The following RSRC1 variants were observed in gnomAD, a reference collection of about 807,000 sequenced individuals.
RSRC1 encodes arginine and serine rich coiled-coil 1.
Under a neutral mutation model 49.1 loss-of-function variants are expected in RSRC1, and 39 were observed. The observed-to-expected ratio is 0.79, with a 90% confidence interval of 0.61 to 1.04. The LOEUF (loss-of-function observed/expected upper bound fraction) is 1.04, where lower values mean the gene tolerates loss of function less well. RSRC1 is among the 50% of genes least tolerant of loss of function. The pLI is 0.00. For missense variants in RSRC1, 388 were observed against 402.4 expected (o/e 0.96, Z 0.31); for synonymous variants, 143 against 130.8 (o/e 1.09, Z -0.63).
intron 6 of RSRC1, among the ~76,000 whole-genome samples, chr3:158,428,662 C>T (rs1402338606): frequency 1.3e-5 from 2 of 151,832 alleles, no homozygotes; most frequent in African/African-American, 4.8e-5. Flanking sequence ...TGGCACATAA[C>T]GTGTATTATA....
chr3:158,147,210 G>C (rs1717194297), intron 3 of RSRC1, among the ~76,000 whole-genome samples: 1 of 133,128 alleles, frequency 7.5e-6, no homozygotes, highest in South Asian at 2.5e-4. Context: ...CCCGCTAAAA[G>C]GAAATTTTCT....
intron 7 of RSRC1, among the ~76,000 whole-genome samples, chr3:158,473,633 G>T (rs548180841): frequency 6.6e-6 from 1 of 151,994 alleles, no homozygotes; most frequent in East Asian, 1.9e-4. Flanking sequence ...TGTACGTTGT[G>T]CACATGTACC....
At chr3:158,178,303 A>G (rs1245735618) in intron 3 of RSRC1, among the ~76,000 whole-genome samples, 1 of 151,780 alleles carries the variant, frequency 6.6e-6, no homozygotes, top group African/African-American at 2.4e-5. Flanking sequence ...CACGCCCAGC[A>G]AATTTTTGTA....
chr3:158,153,471 C>CA (rs1318870402), intron 3 of RSRC1, among the ~76,000 whole-genome samples: 3 of 152,142 alleles, frequency 2.0e-5, no homozygotes, highest in Non-Finnish European at 4.4e-5. Flanking sequence ...TAAAGAATGA[C>CA]AATGTGGCAT....
At chr3:158,333,315 T>A (rs1304990692) in intron 5 of RSRC1, among the ~76,000 whole-genome samples, 2 of 152,318 alleles carry the variant, frequency 1.3e-5, no homozygotes, top group East Asian at 3.9e-4. Flanking sequence ...TAGAATGCAG[T>A]TCTTCTGACA....
chr3:158,314,593 G>A (rs1728316512), intron 5 of RSRC1, among the ~76,000 whole-genome samples: 2 of 152,104 alleles, frequency 1.3e-5, no homozygotes, highest in African/African-American at 2.4e-5. Context: ...TAGTGCTACA[G>A]TGCTTTCTAG....
chr3:158,145,780 C>G (rs1416490188), intron 3 of RSRC1, among the ~76,000 whole-genome samples: 1 of 152,164 alleles, frequency 6.6e-6, no homozygotes, highest in Non-Finnish European at 1.5e-5. Context: ...AATGTTCTTC[C>G]ATTTGTTTGT....
intron 7 of RSRC1, among the ~76,000 whole-genome samples, chr3:158,503,263 A>G (rs1012207187): frequency 2.6e-5 from 4 of 152,028 alleles, no homozygotes; most frequent in African/African-American, 4.8e-5. Context: ...TCAGCTGTGG[A>G]TACCAGCATC....
chr3:158,541,194 A>G (rs1245707383), intron 8 of RSRC1, among the ~76,000 whole-genome samples: 2 of 152,070 alleles, frequency 1.3e-5, no homozygotes, highest in Non-Finnish European at 2.9e-5. Context: ...TGGCCAGAGA[A>G]CCATTCTTCC....
intron 7 of RSRC1, among the ~76,000 whole-genome samples, chr3:158,515,100 G>A (rs1304156019): frequency 1.4e-5 from 2 of 146,836 alleles, no homozygotes; most frequent in Non-Finnish European, 3.0e-5. Context: ...TTTAATTGGA[G>A]CATTTAGTCC....
Position 158,354,916 on chromosome 3 carries a change from T to C in RSRC1, c.583+8T>C. The C allele has an allele frequency of 6.5e-7, 1 of 1,542,600 alleles. No individual in the cohort carries two copies. The highest frequency in any genetic ancestry group is 8.7e-7 in the Non-Finnish European group (1 of 1,148,674). ...TGGTTCTTGAAGCTGCTGGTAAGTGTTGATAATTAACTTTTATTAAATGAA... is the reference window on the plus strand; with the variant it reads ...TGGTTCTTGAAGCTGCTGGTAAGTGCTGATAATTAACTTTTATTAAATGAA... On this transcript the variant is annotated splice_region_variant and intron_variant, in intron 6 of 9. Transcript: ENST00000611884.
intron 6 of RSRC1, among the ~76,000 whole-genome samples, chr3:158,415,980 G>A (rs912379218): frequency 6.6e-6 from 1 of 151,698 alleles, no homozygotes; most frequent in Non-Finnish European, 1.5e-5. Flanking sequence ...CTTTTTGTGT[G>A]TCATATTCTA....
At position 158,493,346 on chromosome 3, in the gene RSRC1, T is replaced by C. The variant is rs543965444; in HGVS notation, c.652+32343T>C. Among the ~76,000 whole-genome samples the C allele has an allele frequency of 2.0e-5, 3 of 152,242 alleles. No individual in the cohort carries two copies. In the South Asian group the frequency reaches 6.2e-4, roughly 32 times the overall value. ...TACTCATGTTTTAAAATTTAGACTT[T>C]TAGTTTGTTTTCTGTTATGGGGTGA... On this transcript the variant is annotated intron_variant, in intron 7 of 9. Coordinates refer to ENST00000611884, the MANE Select transcript of RSRC1 (RefSeq NM_001271838.2).
intron 4 of RSRC1, among the ~76,000 whole-genome samples, chr3:158,294,127 C>T (rs74981008): frequency 0.02 from 3,096 of 151,946 alleles, 51 homozygotes; most frequent in Non-Finnish European, 0.032. Flanking sequence ...TTTTTTTTAA[C>T]CCTCCTTCTA....
chr3:158,420,188 C>G (rs915400364), intron 6 of RSRC1, among the ~76,000 whole-genome samples: 3 of 151,960 alleles, frequency 2.0e-5, no homozygotes, highest in African/African-American at 4.8e-5. Flanking sequence ...ATGTTATCTC[C>G]CATTTACCAA....
At chr3:158,330,464 A>G (rs1190323034) in intron 5 of RSRC1, among the ~76,000 whole-genome samples, 2 of 152,190 alleles carry the variant, frequency 1.3e-5, no homozygotes. Flanking sequence ...AGTATTTTAA[A>G]TGTTCTTAAT....
intron 3 of RSRC1, among the ~76,000 whole-genome samples, chr3:158,161,116 C>G (rs1250810524): frequency 6.6e-6 from 1 of 152,136 alleles, no homozygotes; most frequent in African/African-American, 2.4e-5. Context: ...TATTAGTCAG[C>G]TATTGACACA....
chr3:158,447,838 TC>T (rs1736804414), intron 6 of RSRC1, among the ~76,000 whole-genome samples: 1 of 151,940 alleles, frequency 6.6e-6, no homozygotes, highest in Admixed American at 6.6e-5. Context: ...TTTTTCGATA[TC>T]AGAAACTATC....
At position 158,459,939 on chromosome 3, in the gene RSRC1, T is replaced by G. The variant is rs558881957; in HGVS notation, c.584-996T>G. Among the ~76,000 whole-genome samples the G allele has an allele frequency of 2.0e-5, 3 of 152,042 alleles. No individual in the cohort carries two copies. In the East Asian group the frequency reaches 5.8e-4, roughly 29 times the overall value. ...ACATATATTTTATATAAATTTCCCC[T>G]TTAAGCCAGTCATTATACTTCTAAA... On this transcript the variant is annotated intron_variant, in intron 6 of 9. Coordinates refer to ENST00000611884, the MANE Select transcript of RSRC1 (RefSeq NM_001271838.2).
Sources: allele counts gnomAD v4.1 joint callset (sites outside exome capture counted in the v4.1 genomes callset), GRCh38; gene constraint gnomAD v4.1.1; transcripts MANE v1.5; gene names NCBI Gene and HGNC (gene_info 2026-07-23, HGNC 2026-07-21).